The following TCOF1 variants were observed in gnomAD, a reference collection of about 807,000 sequenced individuals.
TCOF1 encodes treacle protein.
Under a neutral mutation model 149.0 loss-of-function variants are expected in TCOF1, and 33 were observed. The ratio of observed to expected loss-of-function variants is 0.22; its 90% CI spans 0.17 to 0.30. The LOEUF is 0.30. Among genes scored for constraint, TCOF1 ranks in the 10% least tolerant of loss-of-function variants. TCOF1 has a pLI of 1.00. For synonymous variants in TCOF1, 789 were observed against 738.8 expected, an observed-to-expected ratio of 1.07 and a Z score of -1.10; for missense variants, 1,728 against 1,840.7, an observed-to-expected ratio of 0.94 and a Z score of 1.12.
intron 4 of TCOF1, chr5:150,368,119 G>A: frequency 1.7e-6 from 1 of 578,048 alleles, no homozygotes; most frequent in East Asian, 3.1e-5. Flanking sequence ...TAAGGATGAT[G>A]CCTGCTGCAG....
Position 150,364,188 on chromosome 5 carries a change from C to A in TCOF1, c.240C>A (p.Asp80Glu). Residue 80 changes from aspartate to glutamate, a missense_variant, in exon 3 of 27, where the codon GAC becomes GAA. Coordinates refer to ENST00000643257, the MANE Select transcript of TCOF1 (RefSeq NM_001371623.1). Reference protein sequence around the residue: ...ALQAKKTRVSDPISTSESSEE... With the variant: ...ALQAKKTRVSEPISTSESSEE... ...AAGCTAAGAAAACCCGTGTGTCAGACCCCATCAGCACCTCGGAGAGCTCGG... is the reference window on the plus strand; with the variant it reads ...AAGCTAAGAAAACCCGTGTGTCAGAACCCATCAGCACCTCGGAGAGCTCGG... The A allele has an allele frequency of 6.2e-7, 1 of 1,614,162 alleles. No individual in the cohort carries two copies. The highest frequency in any genetic ancestry group is 8.5e-7 in the Non-Finnish European group (1 of 1,180,018).
intron 17 of TCOF1, among the ~76,000 whole-genome samples, chr5:150,386,465 A>G (rs1335794898): frequency 6.6e-6 from 1 of 152,202 alleles, no homozygotes; most frequent in African/African-American, 2.4e-5. Flanking sequence ...TGGCAGGGGT[A>G]GGAAAGGCCT....
At position 150,368,963 on chromosome 5, in the gene TCOF1, A is replaced by G. The variant is rs1761954832; in HGVS notation, c.565+61A>G. The G allele has an allele frequency of 1.9e-6, 3 of 1,596,222 alleles. No individual in the cohort carries two copies. The Admixed American group carries it at 5.0e-5, about 27-fold the overall frequency. ...GAACTTGGGCTGGTGAGGCAGGCCT[A>G]GGCATTGCTTTAAGTTCTGGGACAT... On this transcript the variant is annotated intron_variant, in intron 5 of 26. Coordinates refer to ENST00000643257, the MANE Select transcript of TCOF1 (RefSeq NM_001371623.1).
intron 26 of TCOF1, among the ~76,000 whole-genome samples, chr5:150,399,570 T>C (rs536994975): frequency 3.3e-5 from 5 of 152,236 alleles, no homozygotes; most frequent in African/African-American, 1.2e-4. Context: ...GGCCCTGTGG[T>C]CACCCAGCCT....
chr5:150,392,611 C>T, intron 21 of TCOF1, 94 bp from the exon 22 acceptor site: 1 of 1,241,252 alleles, frequency 8.1e-7, no homozygotes, highest in South Asian at 1.2e-5. Context: ...GGGTGAGGGA[C>T]CTGCAGAGAG....
chr5:150,384,305 C>G (rs1011942754), intron 17 of TCOF1: 1 of 987,724 alleles, frequency 1.0e-6, no homozygotes, highest in Non-Finnish European at 1.2e-6. Context: ...CACAACAGCC[C>G]TATGAGGGTG....
At chr5:150,375,217 G>A in intron 10 of TCOF1, 54 bp downstream of exon 10, 8 of 1,612,596 alleles carry the variant, frequency 5.0e-6, no homozygotes, top group East Asian at 2.2e-5. Context: ...AAGACCTCCT[G>A]TGGTTTTGAC....
intron 1 of TCOF1, among the ~76,000 whole-genome samples, chr5:150,358,846 A>AG: frequency 6.7e-6 from 1 of 149,306 alleles, no homozygotes; most frequent in East Asian, 2.0e-4. Context: ...CAAAAAAAAA[A>AG]GAGAGATGGA....
chr5:150,375,516 A>C lies in TCOF1; in HGVS notation c.1666A>C (p.Ser556Arg). Residue 556 changes from serine to arginine, a missense_variant, in exon 11 of 27, where the codon AGT becomes CGT. Around this residue, in one of 2 missense-constraint regions of TCOF1, gnomAD observed 1,696 missense variants for 1,765.4 expected, o/e 0.96. Transcript: ENST00000643257. ...CAGTAGTGAGGAGTCATCAGACAGC[A>C]GTGATGGAGAGGTGCCCACAGCTGT... ...ESSSEESSDS[S>R]DGEVPTAVAP... is the part of the protein sequence containing the mutation. 6.2e-7 allele frequency: 1 copy of C among 1,614,156 alleles called. No individual in the cohort carries two copies. Among genetic ancestry groups the C allele is most frequent in the Non-Finnish European group, 8.5e-7 (1 of 1,180,000 alleles).
chr5:150,391,539 C>G lies in TCOF1; in HGVS notation c.3184-5C>G. 1 of 1,611,276 alleles carries G rather than the reference C, an allele frequency of 6.2e-7. No homozygotes were observed. Among genetic ancestry groups the G allele is most frequent in the Non-Finnish European group, 8.5e-7 (1 of 1,177,452 alleles). On this transcript the variant is annotated splice_region_variant and splice_polypyrimidine_tract_variant and intron_variant, in intron 19 of 26. Coordinates refer to ENST00000643257, the MANE Select transcript of TCOF1 (RefSeq NM_001371623.1). ...AGTCTGAGGGCTACCTCTTGCCACCCACAGGTGTCAAAGAAGAACCCAGCT... is the reference window on the plus strand; with the variant it reads ...AGTCTGAGGGCTACCTCTTGCCACCGACAGGTGTCAAAGAAGAACCCAGCT...
intron 24 of TCOF1, among the ~76,000 whole-genome samples, chr5:150,398,127 G>T (rs533328366): frequency 1.3e-5 from 2 of 152,098 alleles, no homozygotes; most frequent in South Asian, 4.1e-4. Context: ...TCACTATGTT[G>T]CCCAAGCTGG....
At chr5:150,373,378 T>A (rs1762970440) in intron 7 of TCOF1, among the ~76,000 whole-genome samples, 1 of 152,216 alleles carries the variant, frequency 6.6e-6, no homozygotes, top group African/African-American at 2.4e-5. Context: ...GCTTTCTCCA[T>A]GTTGGCTCAA....
chr5:150,358,246 C>T (rs547558476), intron 1 of TCOF1, among the ~76,000 whole-genome samples: 119 of 152,236 alleles, frequency 7.8e-4, no homozygotes, highest in African/African-American at 2.8e-3. Flanking sequence ...GGGTGGATTG[C>T]GACCAGCCCC....
chr5:150,363,514 CAT>C lies in TCOF1; in HGVS notation c.165-598_165-597del, dbSNP rs544046703. Among the ~76,000 whole-genome samples, 15 of 152,352 alleles carry C rather than the reference CAT, an allele frequency of 9.8e-5. No homozygotes were observed. In the South Asian group the frequency reaches 2.1e-3, roughly 21 times the overall value. Reference sequence around the variant, plus strand: ...TCACTTAGTTGTTCAGTTTTTGAGACATGTGTGAGGCACTGAGGATACTGTAG... The same window carrying C: ...TCACTTAGTTGTTCAGTTTTTGAGACGTGTGAGGCACTGAGGATACTGTAG... On this transcript the variant is annotated intron_variant, in intron 2 of 26. Coordinates refer to ENST00000643257, the MANE Select transcript of TCOF1 (RefSeq NM_001371623.1).
intron 17 of TCOF1, chr5:150,383,103 C>T: frequency 6.5e-7 from 1 of 1,536,096 alleles, no homozygotes; most frequent in Non-Finnish European, 8.7e-7. Flanking sequence ...AGACCCTGGC[C>T]CCAGCACCCC....
chr5:150,385,350 T>C (rs1475472181), intron 17 of TCOF1, among the ~76,000 whole-genome samples: 1 of 152,216 alleles, frequency 6.6e-6, no homozygotes, highest in African/African-American at 2.4e-5. Context: ...GAGAACTAAC[T>C]TCTAATCCTG....
intron 2 of TCOF1, 103 bp downstream of exon 2, chr5:150,361,314 C>A: frequency 7.3e-7 from 1 of 1,364,082 alleles, no homozygotes; most frequent in Non-Finnish European, 1.0e-6. Flanking sequence ...GTCCCCATAG[C>A]CCACTGTGGA....
At chr5:150,364,334 T>C in intron 3 of TCOF1, 82 bp downstream of exon 3, 3 of 1,592,896 alleles carry the variant, frequency 1.9e-6, no homozygotes, top group Admixed American at 1.7e-5. Context: ...TCTTCTCTTA[T>C]CACTAGAAGA....
In TCOF1 at chr5:150,396,363, C is replaced by A. The variant is rs765891476; in HGVS notation, c.3866C>A (p.Thr1289Asn). The change falls in exon 24 of 27, where the codon ACC (threonine) becomes AAC (asparagine). Residue 1289 changes from threonine to asparagine, a missense_variant. By Grantham distance (65) the Thr-to-Asn change is moderately conservative. Coordinates refer to ENST00000643257, the MANE Select transcript of TCOF1 (RefSeq NM_001371623.1). ...KKGAGNPQASTLALQSNITQC... is the reference protein window; with the variant it reads ...KKGAGNPQASNLALQSNITQC... ...GGGGCTGGGAACCCCCAAGCCTCAA[C>A]CCTGGCGCTGCAAAGCAACATCACC... The A allele has an allele frequency of 1.2e-6, 2 of 1,613,972 alleles. No individual in the cohort carries two copies. Among genetic ancestry groups the A allele is most frequent in the South Asian group, 1.1e-5 (1 of 91,084 alleles).
Sources: allele counts gnomAD v4.1 joint callset (sites outside exome capture counted in the v4.1 genomes callset), GRCh38; gene constraint gnomAD v4.1.1; regional missense constraint gnomAD v4.1.1; transcripts MANE v1.5; gene names NCBI Gene and HGNC (gene_info 2026-07-23, HGNC 2026-07-21).